The following TMEM132C variants were observed in gnomAD, a reference collection of about 807,000 sequenced individuals.
The protein encoded by TMEM132C is protein phosphatase 1, regulatory subunit 152.
A neutral mutation model predicts 61.4 loss-of-function variants in TMEM132C; 29 were observed. The observed-to-expected ratio is 0.47, with a 90% CI of 0.35 to 0.64. The LOEUF (loss-of-function observed/expected upper bound fraction) is 0.64. TMEM132C is among the 30% of genes least tolerant of loss of function. TMEM132C has a pLI of 0.00. For missense variants in TMEM132C, 1,408 were observed against 1,476.9 expected (o/e 0.95, Z 0.76); for synonymous variants, 656 against 633.1 (o/e 1.04, Z -0.54).
chr12:128,434,913 C>T (rs1869529155), intron 2 of TMEM132C, among the ~76,000 whole-genome samples: 1 of 152,222 alleles, frequency 6.6e-6, no homozygotes, highest in South Asian at 2.1e-4. Flanking sequence ...TGAGCCACCG[C>T]AGCCGGCCCA....
chr12:128,510,777 C>T (rs1480431440), intron 2 of TMEM132C, among the ~76,000 whole-genome samples: 2 of 152,234 alleles, frequency 1.3e-5, no homozygotes, highest in African/African-American at 2.4e-5. Flanking sequence ...CTCTGGGATG[C>T]TGGGAGGGGA....
intron 1 of TMEM132C, among the ~76,000 whole-genome samples, chr12:128,286,901 A>T (rs1463283070): frequency 3.3e-5 from 5 of 152,120 alleles, no homozygotes; most frequent in Non-Finnish European, 5.9e-5. Context: ...CTTGAGAGAG[A>T]GGGGTAGAAA....
chr12:128,436,637 C>T (rs1436170030), intron 2 of TMEM132C, among the ~76,000 whole-genome samples: 2 of 152,138 alleles, frequency 1.3e-5, no homozygotes, highest in Non-Finnish European at 2.9e-5. Context: ...ATTAAAAAGT[C>T]AGGAAACAAC....
intron 1 of TMEM132C, among the ~76,000 whole-genome samples, chr12:128,361,974 C>T (rs550952000): frequency 2.3e-4 from 35 of 152,220 alleles, no homozygotes; most frequent in African/African-American, 8.4e-4. Flanking sequence ...GATGAGCAGC[C>T]TGCTAGAGAG....
At chr12:128,480,733 G>C (rs557576840) in intron 2 of TMEM132C, among the ~76,000 whole-genome samples, 1 of 152,150 alleles carries the variant, frequency 6.6e-6, no homozygotes, top group Admixed American at 6.5e-5. Flanking sequence ...TGTGAGACCT[G>C]AACAGCCTCC....
At chr12:128,625,099 A>G (rs889579720) in intron 4 of TMEM132C, among the ~76,000 whole-genome samples, 2 of 152,156 alleles carry the variant, frequency 1.3e-5, no homozygotes, top group Admixed American at 6.5e-5. Context: ...AGAAACCCCC[A>G]GAGAATCCAC....
At chr12:128,375,971 C>T (rs1163329146) in intron 1 of TMEM132C, among the ~76,000 whole-genome samples, 7 of 152,136 alleles carry the variant, frequency 4.6e-5, no homozygotes, top group East Asian at 3.9e-4. Context: ...TGCGGGATGT[C>T]GGAGCCCATG....
intron 1 of TMEM132C, among the ~76,000 whole-genome samples, chr12:128,268,849 C>T (rs1480153997): frequency 3.4e-5 from 5 of 147,422 alleles, no homozygotes; most frequent in Non-Finnish European, 3.0e-5. Context: ...TTCCTTTCTT[C>T]CAAGAGCTCC....
chr12:128,612,575 G>A (rs1876672670), intron 3 of TMEM132C, among the ~76,000 whole-genome samples: 2 of 152,190 alleles, frequency 1.3e-5, no homozygotes, highest in African/African-American at 2.4e-5. Flanking sequence ...GTTCAAAAGT[G>A]TCTGCTCTGA....
intron 2 of TMEM132C, among the ~76,000 whole-genome samples, chr12:128,464,793 AGAGG>A (rs1234203688): frequency 3.3e-5 from 5 of 151,608 alleles, no homozygotes; most frequent in Non-Finnish European, 7.4e-5. Context: ...AGAGAGAAAG[AGAGG>A]GAGGGAGGGA....
intron 1 of TMEM132C, among the ~76,000 whole-genome samples, chr12:128,293,169 A>T (rs114289274): frequency 0.023 from 3,549 of 151,772 alleles, 131 homozygotes; most frequent in African/African-American, 0.08. Flanking sequence ...CTGGGTCCAA[A>T]CTCCCTCTGG....
chr12:128,453,768 C>T (rs1392831484), intron 2 of TMEM132C, among the ~76,000 whole-genome samples: 5 of 152,144 alleles, frequency 3.3e-5, no homozygotes, highest in African/African-American at 1.2e-4. Flanking sequence ...GAGGCACCAC[C>T]CCGCAGGGGC....
At chr12:128,364,743 T>C (rs1478291721) in intron 1 of TMEM132C, among the ~76,000 whole-genome samples, 1 of 152,162 alleles carries the variant, frequency 6.6e-6, no homozygotes, top group Non-Finnish European at 1.5e-5. Flanking sequence ...GAAGCTACCA[T>C]GGCCTGAGGG....
chr12:128,271,953 A>C (rs1172552083), intron 1 of TMEM132C, among the ~76,000 whole-genome samples: 2 of 152,254 alleles, frequency 1.3e-5, no homozygotes, highest in Non-Finnish European at 2.9e-5. Flanking sequence ...GAAGGAAAGT[A>C]TTACTGAATT....
intron 5 of TMEM132C, among the ~76,000 whole-genome samples, chr12:128,674,663 G>A (rs1266385910): frequency 9.9e-5 from 15 of 152,108 alleles, no homozygotes; most frequent in Admixed American, 9.8e-4. Flanking sequence ...ACACTGTGGG[G>A]TGCCCTTTAT....
intron 2 of TMEM132C, among the ~76,000 whole-genome samples, chr12:128,471,800 C>G (rs1193078937): frequency 2.6e-5 from 4 of 152,068 alleles, no homozygotes; most frequent in Admixed American, 2.6e-4. Context: ...AATTGCTATC[C>G]CAAGTATGTA....
chr12:128,529,557 G>A (rs1341609830), intron 2 of TMEM132C, among the ~76,000 whole-genome samples: 2 of 152,218 alleles, frequency 1.3e-5, no homozygotes, highest in African/African-American at 4.8e-5. Context: ...GCCAAGGCGG[G>A]TGGATCACCT....
At chr12:128,489,362 C>A (rs1164087425) in intron 2 of TMEM132C, among the ~76,000 whole-genome samples, 3 of 141,094 alleles carry the variant, frequency 2.1e-5, no homozygotes, top group African/African-American at 5.1e-5. Context: ...AGAAAGGAGG[C>A]GAGAATAAAA....
intron 2 of TMEM132C, among the ~76,000 whole-genome samples, chr12:128,511,138 C>T (rs1222006175): frequency 6.6e-6 from 1 of 152,132 alleles, no homozygotes; most frequent in East Asian, 1.9e-4. Context: ...GTGGATGAGT[C>T]GAGAAAGTAC....
Sources: allele counts gnomAD v4.1 joint callset (sites outside exome capture counted in the v4.1 genomes callset), GRCh38; gene constraint gnomAD v4.1.1; transcripts MANE v1.5; gene names NCBI Gene and HGNC (gene_info 2026-07-23, HGNC 2026-07-21).